Variants in TRPS1 observed in about 807,000 individuals in gnomAD.
The protein encoded by TRPS1 is zinc finger transcription factor Trps1.
A neutral mutation model predicts 101.2 loss-of-function variants in TRPS1; 6 were observed. That is an observed-to-expected ratio of 0.06 (90% confidence interval 0.03 to 0.12). The LOEUF is 0.12. Among genes scored for constraint, TRPS1 ranks in the 10% least tolerant of loss-of-function variants. TRPS1 has a pLI of 1.00. For missense variants in TRPS1, 1,363 were observed against 1,567.0 expected (o/e 0.87, Z 2.20); for synonymous variants, 578 against 589.8 (o/e 0.98, Z 0.29).
At chr8:115,442,157 A>G (rs1813614438) in intron 5 of TRPS1, among the ~76,000 whole-genome samples, 2 of 152,164 alleles carry the variant, frequency 1.3e-5, no homozygotes, top group Non-Finnish European at 2.9e-5. Context: ...TATTTAGTCT[A>G]CATGATGTAG....
At chr8:115,547,375 G>A (rs911736391) in intron 5 of TRPS1, among the ~76,000 whole-genome samples, 3 of 151,586 alleles carry the variant, frequency 2.0e-5, no homozygotes, top group Non-Finnish European at 4.4e-5. Flanking sequence ...TTAACTCTGT[G>A]CTAAGCTGAA....
intron 5 of TRPS1, among the ~76,000 whole-genome samples, chr8:115,429,220 C>A (rs538594931): frequency 6.6e-6 from 1 of 152,186 alleles, no homozygotes; most frequent in Non-Finnish European, 1.5e-5. Flanking sequence ...CTCACGTACA[C>A]GACTTCCTTT....
chr8:115,623,512 C>G (rs1232210651), intron 2 of TRPS1, 89 bp downstream of exon 2: 7 of 1,484,876 alleles, frequency 4.7e-6, no homozygotes, highest in African/African-American at 1.4e-5. Flanking sequence ...GTTATTATCT[C>G]TAAGACAAAT....
Position 115,418,024 on chromosome 8 carries a change from C to T in TRPS1, c.2823+306G>A, listed in dbSNP as rs2129767214. On this transcript the variant is annotated intron_variant, in intron 6 of 6. Transcript: ENST00000395715. This position sits in a 1 kb window ranked among gnomAD's most constrained non-coding sequence, Gnocchi z 4.3. ...ACTTCTAAAAATTTTCTCCTTTTTA[C>T]CTAAAATAATTTCATTGAATTCTGA... 6.6e-6 allele frequency among the ~76,000 whole-genome samples: 1 copy of T among 152,234 alleles called. No individual in the cohort carries two copies. The highest frequency in any genetic ancestry group is 2.4e-5 in the African/African-American group (1 of 41,534).
At chr8:115,632,571 CAGT>C (rs1290481718) in intron 1 of TRPS1, among the ~76,000 whole-genome samples, 2 of 152,006 alleles carry the variant, frequency 1.3e-5, no homozygotes, top group Admixed American at 6.6e-5. Context: ...TCTGTATCAG[CAGT>C]AGAATAGATT....
At chr8:115,466,443 T>C (rs958236449) in intron 5 of TRPS1, among the ~76,000 whole-genome samples, 5 of 152,170 alleles carry the variant, frequency 3.3e-5, no homozygotes, top group African/African-American at 1.2e-4. Flanking sequence ...GAGAGCTTGA[T>C]TGTATTTCTG....
rs571228836 is a variant in TRPS1, at chr8:115,597,926, T to G, written c.2096+5947A>C. ...TAAGTCTATTCTTTTCTTTTGAACA[T>G]CCAGAGACTTATGTTTCAGGTGTAT... On this transcript the variant is annotated intron_variant, in intron 4 of 6. Coordinates refer to ENST00000395715, the MANE Select transcript of TRPS1 (RefSeq NM_014112.5). 2.1e-3 allele frequency among the ~76,000 whole-genome samples: 321 copies of G among 152,292 alleles called. 1 individual carries two copies. The highest frequency in any genetic ancestry group is 6.8e-3 in the Middle Eastern group (2 of 294).
chr8:115,519,940 T>C (rs1815816728), intron 5 of TRPS1, among the ~76,000 whole-genome samples: 1 of 151,822 alleles, frequency 6.6e-6, no homozygotes. Context: ...AATTTGTAAC[T>C]ATATTTTGGC....
intron 5 of TRPS1, among the ~76,000 whole-genome samples, chr8:115,493,335 C>A (rs1815073388): frequency 6.6e-6 from 1 of 152,096 alleles, no homozygotes; most frequent in Non-Finnish European, 1.5e-5. Context: ...ATATACTATT[C>A]TATCCTGTTT....
intron 5 of TRPS1, among the ~76,000 whole-genome samples, chr8:115,507,385 C>T (rs928559856): frequency 3.3e-5 from 5 of 152,096 alleles, no homozygotes; most frequent in Admixed American, 2.0e-4. Flanking sequence ...ATGCAAGGTG[C>T]TGCCAATTCT....
chr8:115,441,994 A>C (rs1813611484), intron 5 of TRPS1, among the ~76,000 whole-genome samples: 1 of 151,860 alleles, frequency 6.6e-6, no homozygotes, highest in African/African-American at 2.4e-5. Context: ...CCTTTGAAGC[A>C]CCAGCATAAC....
intron 5 of TRPS1, among the ~76,000 whole-genome samples, chr8:115,496,971 T>A (rs1456646601): frequency 1.3e-5 from 2 of 152,206 alleles, no homozygotes; most frequent in Non-Finnish European, 2.9e-5. Flanking sequence ...AAAACTCAAA[T>A]GTACCTTTTA....
chr8:115,522,358 T>C (rs994377792), intron 5 of TRPS1, among the ~76,000 whole-genome samples: 3 of 152,022 alleles, frequency 2.0e-5, no homozygotes, highest in Middle Eastern at 3.2e-3. Flanking sequence ...GCTCTCTGTG[T>C]TATAATTCAT....
chr8:115,472,958 T>C (rs902641543), intron 5 of TRPS1, among the ~76,000 whole-genome samples: 12 of 152,234 alleles, frequency 7.9e-5, no homozygotes, highest in African/African-American at 2.4e-4. Context: ...ACTATCAGCA[T>C]GTTACTCAAA....
chr8:115,581,383 T>C (rs1817446887), intron 5 of TRPS1, among the ~76,000 whole-genome samples: 1 of 152,096 alleles, frequency 6.6e-6, no homozygotes, highest in Non-Finnish European at 1.5e-5. Context: ...GTATGTAGTT[T>C]CAAATAGCTG....
At chr8:115,428,518 T>G (rs550411007) in intron 5 of TRPS1, among the ~76,000 whole-genome samples, 33 of 152,348 alleles carry the variant, frequency 2.2e-4, no homozygotes, top group African/African-American at 6.7e-4. Flanking sequence ...CCACTGCTTA[T>G]TTTAATGTAA....
Position 115,414,789 on chromosome 8 carries a change from T to G in TRPS1, c.3119A>C (p.Asp1040Ala), listed in dbSNP as rs1563713849. 3.1e-6 allele frequency: 5 copies of G among 1,614,066 alleles called. No individual in the cohort carries two copies. The highest frequency in any genetic ancestry group is 3.4e-6 in the Non-Finnish European group (4 of 1,179,950). The change falls in exon 7 of 7, where the codon GAT becomes GCT. Residue 1040 changes from aspartate to alanine, a missense_variant. Physicochemically the swap from Asp to Ala is moderately radical, Grantham distance 126. Coordinates refer to ENST00000395715, the MANE Select transcript of TRPS1 (RefSeq NM_014112.5). This position sits in a 1 kb window ranked among gnomAD's most constrained non-coding sequence, Gnocchi z 4.8. ...CAAAGGTTGCATCCTTTTGTGAATA[T>G]CCAGAGTTTGGCTGACCAGGACTGG... Reference protein sequence around the residue: ...QQPVLVSQTLDIHKRMQPLHI... With the variant: ...QQPVLVSQTLAIHKRMQPLHI...
At chr8:115,425,635 G>A (rs745800959) in intron 5 of TRPS1, among the ~76,000 whole-genome samples, 1 of 152,202 alleles carries the variant, frequency 6.6e-6, no homozygotes, top group Non-Finnish European at 1.5e-5. Context: ...TCTCTTCTGA[G>A]ATGTAACTGG....
At chr8:115,540,923 CACTT>C (rs1367921371) in intron 5 of TRPS1, among the ~76,000 whole-genome samples, 2 of 152,090 alleles carry the variant, frequency 1.3e-5, no homozygotes, top group African/African-American at 4.8e-5. Context: ...ATCTCACCCA[CACTT>C]AATCTGACAC....
Sources: gnomAD v4.1 joint callset for allele counts (sites outside exome capture counted in the v4.1 genomes callset) on GRCh38, gnomAD v4.1.1 for gene constraint, Gnocchi (gnomAD v3.1) non-coding constraint, MANE v1.5 for transcripts, NCBI Gene and HGNC (gene_info 2026-07-23, HGNC 2026-07-21) for gene names.